Variants in AXDND1 observed in about 807,000 individuals in gnomAD.
The protein encoded by AXDND1 is axonemal dynein light chain domain containing 1, also known as axonemal dynein light chain domain-containing protein 1.
Under a neutral mutation model 137.5 loss-of-function variants are expected in AXDND1, and 110 were observed. The ratio of observed to expected loss-of-function variants is 0.80; its 90% CI spans 0.69 to 0.94. The LOEUF is 0.94. Among genes scored for constraint, AXDND1 ranks in the 40% least tolerant of loss-of-function variants. The probability of loss-of-function intolerance (pLI) is 0.00; values close to 1 mark genes in which losing one functional copy is unlikely to be tolerated. For synonymous variants in AXDND1, 414 were observed against 399.7 expected (o/e 1.04, Z -0.43); for missense variants, 1,191 against 1,169.8 (o/e 1.02, Z -0.26).
At chr1:179,411,849 C>CT (rs11298765) in intron 12 of AXDND1, among the ~76,000 whole-genome samples, 65 of 150,794 alleles carry the variant, frequency 4.3e-4, no homozygotes, top group Admixed American at 9.9e-4. Context: ...CTCTGATTCT[C>CT]TTTTTTTTTT....
rs772597061 is a variant in AXDND1 at position 179,486,160 on chromosome 1, C to G, written c.2091+2939C>G. Among the ~76,000 whole-genome samples, 3 of 101,498 alleles carry G rather than the reference C, an allele frequency of 3.0e-5. No individual in the cohort carries two copies. The Admixed American group carries it at 3.3e-4, about 11-fold the overall frequency. The allele number at this position is 101,498 out of a possible 152,430, so 66.6% of individuals were successfully genotyped here. The stretch of plus-strand genomic sequence containing the variant: ...AAAAAAACCTGATAGAAATGAAAAA[C>G]ACACTACAAGAATTTCATAATGCAA... On this transcript the variant is annotated intron_variant, in intron 18 of 25. Coordinates refer to ENST00000367618, the MANE Select transcript of AXDND1 (RefSeq NM_144696.6).
chr1:179,491,774 T>C (rs374310629), intron 19 of AXDND1, 37 bp downstream of exon 19: 48 of 1,480,024 alleles, frequency 3.2e-5, no homozygotes, highest in East Asian at 2.4e-5. Context: ...TTTTGAAGAA[T>C]TGAATGTCGC....
chr1:179,383,425 C>T lies in AXDND1; in HGVS notation c.639-17C>T. On this transcript the variant is annotated splice_polypyrimidine_tract_variant and intron_variant, in intron 7 of 25. Transcript: ENST00000367618. Reference sequence around the variant, plus strand: ...TTGCAATGTTAATTGCATAAGTCTGCCACCTTAATTTTTTAGGAAACCTAA... The same window carrying T: ...TTGCAATGTTAATTGCATAAGTCTGTCACCTTAATTTTTTAGGAAACCTAA... The T allele has an allele frequency of 6.3e-7, 1 of 1,587,410 alleles. No homozygotes were observed. The highest frequency in any genetic ancestry group is 8.6e-7 in the Non-Finnish European group (1 of 1,156,554).
chr1:179,371,773 G>A (rs1668062879), intron 4 of AXDND1, among the ~76,000 whole-genome samples: 1 of 152,152 alleles, frequency 6.6e-6, no homozygotes, highest in South Asian at 2.1e-4. Context: ...TGACATTGCT[G>A]GCTTTGAAGA....
At chr1:179,470,785 G>T (rs1663824515) in intron 17 of AXDND1, among the ~76,000 whole-genome samples, 1 of 151,864 alleles carries the variant, frequency 6.6e-6, no homozygotes, top group African/African-American at 2.4e-5. Flanking sequence ...AATTGCTTTG[G>T]CTAGAACCTC....
chr1:179,518,313 T>C (rs540093501), intron 21 of AXDND1, among the ~76,000 whole-genome samples: 13 of 152,300 alleles, frequency 8.5e-5, no homozygotes, highest in African/African-American at 2.4e-4. Flanking sequence ...TTCTTTTCTA[T>C]TGATCTGTCT....
intron 16 of AXDND1, chr1:179,447,797 T>C (rs1659954213): frequency 1.5e-6 from 2 of 1,299,176 alleles, no homozygotes; most frequent in Non-Finnish European, 2.2e-6. Flanking sequence ...ACTGGGCTGC[T>C]TCCAGTTCCA....
rs146817770 is a variant in AXDND1, at chr1:179,552,939, T to C, written c.3032-1573T>C. 2.2e-4 allele frequency among the ~76,000 whole-genome samples: 34 copies of C among 152,330 alleles called. No homozygotes were observed. The East Asian group carries it at 5.4e-3, about 24-fold the overall frequency. ...CATTATCAGCACAGCAGGTTTTGTA[T>C]TGATGAGCTGTGCTCAGTTTTTCCG... On this transcript the variant is annotated intron_variant, in intron 25 of 25. Transcript: ENST00000367618.
At chr1:179,535,558 CT>C (rs1671466954) in intron 25 of AXDND1, among the ~76,000 whole-genome samples, 1 of 152,094 alleles carries the variant, frequency 6.6e-6, no homozygotes, top group Admixed American at 6.5e-5. Flanking sequence ...TGAACTCATC[CT>C]TTTTTATGGC....
At chr1:179,550,217 A>C (rs1673068867) in intron 25 of AXDND1, among the ~76,000 whole-genome samples, 1 of 152,188 alleles carries the variant, frequency 6.6e-6, no homozygotes, top group African/African-American at 2.4e-5. Flanking sequence ...AAGTATAGAT[A>C]TGCTTTCTTA....
At chr1:179,382,248 C>T (rs12758152) in intron 6 of AXDND1, among the ~76,000 whole-genome samples, 43,943 of 150,398 alleles carry the variant, frequency 0.29, 6,547 homozygotes, top group Non-Finnish European at 0.31. Context: ...CCGGCTAATT[C>T]TTTTGTATTT....
chr1:179,435,705 A>C (rs1658049470), intron 15 of AXDND1, among the ~76,000 whole-genome samples: 1 of 152,178 alleles, frequency 6.6e-6, no homozygotes, highest in Non-Finnish European at 1.5e-5. Flanking sequence ...AGATGGATTA[A>C]AGACTTTAAA....
intron 20 of AXDND1, chr1:179,506,944 CT>C: frequency 3.1e-6 from 3 of 968,502 alleles, no homozygotes; most frequent in Non-Finnish European, 3.7e-6. Flanking sequence ...CAAGCCCCAG[CT>C]TTCCTTCCTT....
chr1:179,484,108 C>T (rs1269231552), intron 18 of AXDND1, among the ~76,000 whole-genome samples: 1 of 152,190 alleles, frequency 6.6e-6, no homozygotes, highest in Non-Finnish European at 1.5e-5. Context: ...TCCCCAGTGA[C>T]TCTTGGGGAA....
chr1:179,410,888 T>C (rs1653765825), intron 11 of AXDND1, among the ~76,000 whole-genome samples: 1 of 152,160 alleles, frequency 6.6e-6, no homozygotes, highest in Non-Finnish European at 1.5e-5. Flanking sequence ...ATGAAAAATG[T>C]TTAGAGCAAG....
chr1:179,526,838 A>G (rs1477933737), intron 22 of AXDND1, among the ~76,000 whole-genome samples: 5 of 152,196 alleles, frequency 3.3e-5, no homozygotes, highest in African/African-American at 1.2e-4. Context: ...AGCAAAACCT[A>G]CTGGGTTACT....
chr1:179,433,490 T>C (rs762664367), intron 15 of AXDND1, among the ~76,000 whole-genome samples: 11 of 152,232 alleles, frequency 7.2e-5, no homozygotes, highest in Non-Finnish European at 1.3e-4. Context: ...AGTTTTCTGA[T>C]GTGGGCATTT....
At chr1:179,473,733 G>A (rs569743969) in intron 17 of AXDND1, among the ~76,000 whole-genome samples, 21 of 152,016 alleles carry the variant, frequency 1.4e-4, no homozygotes, top group Non-Finnish European at 2.4e-4. Context: ...TTACCCCCAC[G>A]CTGTTCTCAT....
intron 11 of AXDND1, among the ~76,000 whole-genome samples, chr1:179,399,695 T>C (rs1651647632): frequency 2.6e-5 from 4 of 152,100 alleles, no homozygotes; most frequent in African/African-American, 7.2e-5. Flanking sequence ...AGGACTAATA[T>C]CCAGAATCTA....
Sources: gnomAD v4.1 joint callset for allele counts (sites outside exome capture counted in the v4.1 genomes callset) on GRCh38, gnomAD v4.1.1 for gene constraint, MANE v1.5 for transcripts, NCBI Gene and HGNC (gene_info 2026-07-23, HGNC 2026-07-21) for gene names.